MYO1D: variants seen among roughly 807,000 people sequenced by gnomAD.
The protein encoded by MYO1D is myosin ID, also known as unconventional myosin-Id.
Under a neutral mutation model 122.0 loss-of-function variants are expected in MYO1D, and 83 were observed. That is an observed-to-expected ratio of 0.68 (90% confidence interval 0.57 to 0.82). The LOEUF is 0.82. Ranked by LOEUF, MYO1D falls within the 40% of genes least tolerant of loss-of-function variation. MYO1D has a pLI of 0.00. For missense variants in MYO1D, 1,157 were observed against 1,269.5 expected, an observed-to-expected ratio of 0.91 and a Z score of 1.35; for synonymous variants, 464 against 446.9, an observed-to-expected ratio of 1.04 and a Z score of -0.48.
At chr17:32,785,093 G>A (rs1284764841) in intron 1 of MYO1D, among the ~76,000 whole-genome samples, 2 of 152,172 alleles carry the variant, frequency 1.3e-5, no homozygotes, top group Non-Finnish European at 2.9e-5. Flanking sequence ...GAAAATTGGA[G>A]TTGTTTCACG....
At chr17:32,553,077 C>CA (rs200769034) in intron 21 of MYO1D, among the ~76,000 whole-genome samples, 46,551 of 105,364 alleles carry the variant, frequency 0.44, 9,287 homozygotes, top group Middle Eastern at 0.55. Context: ...TTCTCTAAGA[C>CA]AAAAAAAAAA....
intron 14 of MYO1D, among the ~76,000 whole-genome samples, chr17:32,730,116 T>C (rs780508677): frequency 6.6e-6 from 1 of 151,568 alleles, no homozygotes; most frequent in Non-Finnish European, 1.5e-5. Context: ...TTCTTTGTTT[T>C]TATTGTTTTT....
At chr17:32,751,098 T>C (rs1484833476) in intron 11 of MYO1D, among the ~76,000 whole-genome samples, 3 of 152,020 alleles carry the variant, frequency 2.0e-5, no homozygotes, top group African/African-American at 4.8e-5. Context: ...ATAGCAGTTA[T>C]GTATTTATCA....
intron 16 of MYO1D, among the ~76,000 whole-genome samples, chr17:32,686,921 T>C (rs962205204): frequency 6.6e-6 from 1 of 151,182 alleles, no homozygotes; most frequent in Non-Finnish European, 1.5e-5. Context: ...GCCATAATTG[T>C]GCCACTGCAC....
chr17:32,541,614 C>A (rs1910838700), intron 21 of MYO1D, among the ~76,000 whole-genome samples: 3 of 152,144 alleles, frequency 2.0e-5, no homozygotes, highest in Admixed American at 2.0e-4. Context: ...AGATAGTTAG[C>A]TAGAAAGTAT....
intron 15 of MYO1D, among the ~76,000 whole-genome samples, chr17:32,714,346 C>T (rs2089416099): frequency 6.6e-6 from 1 of 151,762 alleles, no homozygotes; most frequent in Non-Finnish European, 1.5e-5. Context: ...CTCTGTTAGT[C>T]TGCTGAGGAT....
intron 21 of MYO1D, among the ~76,000 whole-genome samples, chr17:32,579,460 C>T (rs2087308660): frequency 6.6e-6 from 1 of 152,182 alleles, no homozygotes; most frequent in Non-Finnish European, 1.5e-5. Flanking sequence ...AACATCCCTC[C>T]CTATACTCCA....
At chr17:32,793,965 A>G (rs1168596050) in intron 1 of MYO1D, among the ~76,000 whole-genome samples, 1 of 152,274 alleles carries the variant, frequency 6.6e-6, no homozygotes, top group African/African-American at 2.4e-5. Context: ...TATTATGAGC[A>G]ATAGCAGAAG....
At chr17:32,767,030 A>G (rs1211854091) in intron 7 of MYO1D, among the ~76,000 whole-genome samples, 1 of 152,192 alleles carries the variant, frequency 6.6e-6, no homozygotes, top group Admixed American at 6.5e-5. Context: ...TTTATTCCAG[A>G]TTTGAATCCA....
intron 16 of MYO1D, among the ~76,000 whole-genome samples, chr17:32,682,264 ATT>A (rs1447868611): frequency 2.0e-5 from 3 of 151,392 alleles, no homozygotes; most frequent in African/African-American, 4.9e-5. Flanking sequence ...TAAAGTTAAT[ATT>A]GTTATGTGTG....
At chr17:32,542,679 G>GT (rs1394126013) in intron 21 of MYO1D, among the ~76,000 whole-genome samples, 2 of 150,816 alleles carry the variant, frequency 1.3e-5, no homozygotes, top group African/African-American at 4.9e-5. Context: ...AATATTTCCC[G>GT]TATCAATGGT....
chr17:32,846,468 T>C (rs146869030), intron 1 of MYO1D, among the ~76,000 whole-genome samples: 9 of 152,322 alleles, frequency 5.9e-5, no homozygotes, highest in African/African-American at 2.2e-4. Context: ...AGTATCTAGG[T>C]ACATTCTGAG....
intron 5 of MYO1D, 116 bp downstream of exon 5, chr17:32,772,673 G>T: frequency 1.2e-6 from 1 of 839,456 alleles, no homozygotes; most frequent in Non-Finnish European, 2.0e-6. Context: ...TGCGTGACAT[G>T]TTACGGGGCC....
rs775133445 is a variant in MYO1D, at chr17:32,778,421, C to CTT, written c.398+58_398+59insAA. 257 of 1,533,836 alleles carry CTT rather than the reference C, an allele frequency of 1.7e-4. 1 individual carries two copies. In the Admixed American group the frequency reaches 2.2e-3, roughly 13 times the overall value. ...TCAACCCCTAGAGTTTAGGTCTAGC[C>CTT]AAGTCCATAGAGAAAACAGAGTGCT... On this transcript the variant is annotated intron_variant, in intron 3 of 21. Coordinates refer to ENST00000318217, the MANE Select transcript of MYO1D (RefSeq NM_015194.3).
intron 16 of MYO1D, among the ~76,000 whole-genome samples, chr17:32,679,407 T>A (rs898893066): frequency 3.9e-5 from 6 of 152,102 alleles, no homozygotes; most frequent in African/African-American, 4.8e-5. Flanking sequence ...AACGTTTAAA[T>A]CTTTAATCCA....
chr17:32,788,662 G>T (rs2090321882), intron 1 of MYO1D, among the ~76,000 whole-genome samples: 1 of 152,160 alleles, frequency 6.6e-6, no homozygotes, highest in Admixed American at 6.5e-5. Flanking sequence ...TAGCCTTACA[G>T]TATAATTTGA....
intron 14 of MYO1D, among the ~76,000 whole-genome samples, chr17:32,725,883 G>A (rs1311433259): frequency 1.3e-5 from 2 of 152,144 alleles, no homozygotes; most frequent in Non-Finnish European, 2.9e-5. Flanking sequence ...GAGCAACAAA[G>A]AGACAGACTG....
intron 1 of MYO1D, among the ~76,000 whole-genome samples, chr17:32,875,842 A>T (rs913281720): frequency 6.6e-6 from 1 of 152,206 alleles, no homozygotes. Context: ...GCTTGCAGGG[A>T]AACATACACA....
At chr17:32,843,017 T>C (rs2090898477) in intron 1 of MYO1D, among the ~76,000 whole-genome samples, 1 of 151,768 alleles carries the variant, frequency 6.6e-6, no homozygotes, top group South Asian at 2.1e-4. Context: ...GCCTCCCAAG[T>C]AGCTGGGACT....
Sources: gnomAD v4.1 joint callset for allele counts (sites outside exome capture counted in the v4.1 genomes callset) on GRCh38, gnomAD v4.1.1 for gene constraint, MANE v1.5 for transcripts, NCBI Gene and HGNC (gene_info 2026-07-23, HGNC 2026-07-21) for gene names.